TRDMT1: variants seen among roughly 807,000 people sequenced by gnomAD.
TRDMT1 encodes tRNA (cytosine(38)-C(5))-methyltransferase.
TRDMT1 carries 49 observed loss-of-function variants against 51.2 expected under a neutral mutation model. The ratio of observed to expected loss-of-function variants is 0.96; its 90% CI spans 0.76 to 1.21. The LOEUF is 1.21. TRDMT1 is among the 50% of genes most tolerant of loss of function. The pLI, the probability that TRDMT1 is intolerant of heterozygous loss-of-function variation, is 0.00. For missense variants in TRDMT1, 534 were observed against 462.3 expected, an observed-to-expected ratio of 1.16 and a Z score of -1.42; for synonymous variants, 187 against 164.6, an observed-to-expected ratio of 1.14 and a Z score of -1.04.
chr10:17,164,632 C>A (rs922753928), intron 3 of TRDMT1, among the ~76,000 whole-genome samples: 2 of 152,146 alleles, frequency 1.3e-5, no homozygotes, highest in African/African-American at 4.8e-5. Flanking sequence ...ATCATCTCGG[C>A]CCAAAATCTC....
At position 17,157,513 on chromosome 10, in the gene TRDMT1, G is replaced by C. The variant is rs1839694150; in HGVS notation, c.815C>G (p.Ser272Ter). Residue 272 changes from serine (S) to a stop codon, truncating the protein, a stop_gained, in exon 8 of 11, where the codon TCA becomes TGA. Coordinates refer to ENST00000377799, the MANE Select transcript of TRDMT1 (RefSeq NM_004412.7). LOFTEE classifies it high-confidence loss of function. ...TAACAGAAGAGCATATCGCAGCAAT[G>C]ACTTTGGTGGTAAAAGATACTGGTT... is the stretch of plus-strand genomic sequence containing the variant. ...DVNQYLLPPK[S>*]LLRYALLLDI... 2 of 1,614,022 alleles carry C rather than the reference G, an allele frequency of 1.2e-6. No individual in the cohort carries two copies. Among genetic ancestry groups the C allele is most frequent in the Middle Eastern group, 1.6e-4 (1 of 6,062 alleles).
chr10:17,150,684 G>A (rs1397694472), intron 10 of TRDMT1: 7 of 984,654 alleles, frequency 7.1e-6, no homozygotes, highest in Non-Finnish European at 7.2e-6. Flanking sequence ...ATATACTCAT[G>A]AGGACAGGAA....
intron 2 of TRDMT1, chr10:17,169,445 T>C: frequency 7.8e-7 from 1 of 1,289,570 alleles, no homozygotes; most frequent in South Asian, 1.2e-5. Context: ...GTTTTGCAGT[T>C]GTGTGCAATG....
At chr10:17,178,256 A>G (rs1198521917) in intron 1 of TRDMT1, among the ~76,000 whole-genome samples, 1 of 152,202 alleles carries the variant, frequency 6.6e-6, no homozygotes, top group African/African-American at 2.4e-5. Flanking sequence ...CCTTTCATTC[A>G]AAGTGCTGGC....
intron 1 of TRDMT1, 111 bp downstream of exon 1, chr10:17,201,460 C>A (rs1846158080): frequency 1.7e-6 from 2 of 1,199,254 alleles, no homozygotes; most frequent in South Asian, 1.4e-5. Context: ...CCACAGTGTC[C>A]GCCCCACAGT....
chr10:17,140,284 G>A lies in TRDMT1; in HGVS notation c.*8756C>T, dbSNP rs1183600070. Among the ~76,000 whole-genome samples the A allele has an allele frequency of 6.9e-6, 1 of 145,378 alleles. No homozygotes were observed. The highest frequency in any genetic ancestry group is 1.5e-5 in the Non-Finnish European group (1 of 66,962). On this transcript the variant is annotated 3_prime_UTR_variant, in exon 11 of 11. Transcript: ENST00000377799. Reference sequence around the variant, plus strand: ...ATGGCCAGGCTGGTCTTGAACTCCTGACCTCATGGTCCGTTCACTTCGACC... The same window carrying A: ...ATGGCCAGGCTGGTCTTGAACTCCTAACCTCATGGTCCGTTCACTTCGACC...
At chr10:17,151,035 A>G in intron 10 of TRDMT1, 2 of 967,148 alleles carry the variant, frequency 2.1e-6, no homozygotes, top group African/African-American at 1.8e-5. Context: ...GCATCTGTGC[A>G]TATTTCTTTA....
intron 3 of TRDMT1, among the ~76,000 whole-genome samples, chr10:17,162,796 C>T (rs1840592943): frequency 1.3e-5 from 2 of 151,242 alleles, no homozygotes; most frequent in South Asian, 4.2e-4. Context: ...AGAAAAAAAT[C>T]CTTACATATC....
At position 17,174,544 on chromosome 10, in the gene TRDMT1, TACTC is replaced by T. The variant is rs750510368; in HGVS notation, c.174+3_174+6del. On this transcript the variant is annotated splice_donor_5th_base_variant and intron_variant, in intron 2 of 10. Coordinates refer to ENST00000377799, the MANE Select transcript of TRDMT1 (RefSeq NM_004412.7). ...ACATACTTATTAAAACAATGACAAT[TACTC>T]ACTTCAATCGTCTTGGCAAGTAACT... 5.7e-6 allele frequency: 9 copies of T among 1,570,604 alleles called. No homozygotes were observed. The highest frequency in any genetic ancestry group is 1.1e-5 in the South Asian group (1 of 90,196).
At chr10:17,159,981 CATTATTA>C (rs1335333328) in intron 6 of TRDMT1, among the ~76,000 whole-genome samples, 1 of 152,068 alleles carries the variant, frequency 6.6e-6, no homozygotes, top group African/African-American at 2.4e-5. Flanking sequence ...GAAACATTAA[CATTATTA>C]ATTATTAACA....
chr10:17,197,262 G>T (rs146805430), intron 1 of TRDMT1, among the ~76,000 whole-genome samples: 1 of 152,216 alleles, frequency 6.6e-6, no homozygotes, highest in African/African-American at 2.4e-5. Context: ...CAATTCAATA[G>T]TAACCTCAAT....
Position 17,159,204 on chromosome 10 carries a change from C to G in TRDMT1, c.485G>C (p.Arg162Pro). Residue 162 changes from arginine to proline, a missense_variant, in exon 7 of 11, where the codon CGA becomes CCA. Physicochemically the swap from Arg to Pro is moderately radical, Grantham distance 103. Transcript: ENST00000377799. ...TSLGIPNSRL[R>P]YFLIAKLQSE... ...CTGAAGCTTTGCAATAAGAAAATAT[C>G]GTAGCCTTGAATTTGGAATGCCAAG... The G allele has an allele frequency of 1.2e-6, 2 of 1,601,920 alleles. No individual in the cohort carries two copies. The highest frequency in any genetic ancestry group is 1.7e-6 in the Non-Finnish European group (2 of 1,173,678).
intron 1 of TRDMT1, among the ~76,000 whole-genome samples, chr10:17,193,925 G>A (rs1200186061): frequency 6.6e-6 from 1 of 151,986 alleles, no homozygotes; most frequent in East Asian, 1.9e-4. Flanking sequence ...ATAAGACTAC[G>A]GTAACCAAGA....
At position 17,162,171 on chromosome 10, in the gene TRDMT1, G is replaced by A. The variant is rs1397309336; in HGVS notation, c.318C>T (p.Leu106=). ...TNSFLHILDI[L]PRLQKLPKYI... ...ACAGGAACCTAAGTTTTTACCTTGG[G>A]AGAATATCTAGAATATGTAAGAAGC... is the stretch of plus-strand genomic sequence containing the variant. Residue 106 remains leucine (L), a synonymous_variant, in exon 4 of 11, where the codon CTC becomes CTT. Transcript: ENST00000377799. 3.7e-6 allele frequency: 6 copies of A among 1,608,428 alleles called. No individual in the cohort carries two copies. Among genetic ancestry groups the A allele is most frequent in the Non-Finnish European group, 5.1e-6 (6 of 1,177,206 alleles).
intron 1 of TRDMT1, among the ~76,000 whole-genome samples, chr10:17,196,304 T>C (rs953657690): frequency 1.3e-5 from 2 of 152,258 alleles, no homozygotes; most frequent in Admixed American, 1.3e-4. Flanking sequence ...GACAGGCCTT[T>C]TTGCTTTTAA....
At position 17,148,888 on chromosome 10, in the gene TRDMT1, T is replaced by C. The variant is rs1051912084; in HGVS notation, c.*152A>G. The C allele has an allele frequency of 9.5e-6, 12 of 1,268,040 alleles. No individual in the cohort carries two copies. The highest frequency in any genetic ancestry group is 3.5e-5 in the Admixed American group (1 of 28,326). 78.5% of individuals were successfully genotyped at this position (1,268,040 alleles called of 1,614,324 possible). On this transcript the variant is annotated 3_prime_UTR_variant, in exon 11 of 11. Coordinates refer to ENST00000377799, the MANE Select transcript of TRDMT1 (RefSeq NM_004412.7). ...AGTAATATAAATTTGATGAAACACA[T>C]GGATTTTTTTAATAAAATCCAAATT...
At chr10:17,182,637 T>C (rs1471838781) in intron 1 of TRDMT1, among the ~76,000 whole-genome samples, 2 of 152,168 alleles carry the variant, frequency 1.3e-5, no homozygotes, top group Non-Finnish European at 2.9e-5. Flanking sequence ...GAGTGAAGAC[T>C]TCCTTATGGT....
At chr10:17,167,628 A>G (rs1385868825) in intron 3 of TRDMT1, among the ~76,000 whole-genome samples, 1 of 152,212 alleles carries the variant, frequency 6.6e-6, no homozygotes, top group Non-Finnish European at 1.5e-5. Context: ...CCAAATATAT[A>G]TATACACACA....
intron 1 of TRDMT1, among the ~76,000 whole-genome samples, chr10:17,180,496 C>T (rs1011940190): frequency 6.7e-6 from 1 of 148,396 alleles, no homozygotes; most frequent in African/African-American, 2.5e-5. Context: ...GCCGAGATTG[C>T]GCCACTTCAC....
Sources: gnomAD v4.1 joint callset for allele counts (sites outside exome capture counted in the v4.1 genomes callset) on GRCh38, gnomAD v4.1.1 for gene constraint, MANE v1.5 for transcripts, NCBI Gene and HGNC (gene_info 2026-07-23, HGNC 2026-07-21) for gene names.